PFDN1: variants seen among roughly 807,000 people sequenced by gnomAD.
PFDN1 encodes prefoldin subunit 1, also known as prefoldin 1.
PFDN1 carries 6 observed loss-of-function variants against 17.3 expected under a neutral mutation model. That is an observed-to-expected ratio of 0.35 (90% CI 0.19 to 0.69). The LOEUF (loss-of-function observed/expected upper bound fraction) is 0.69. PFDN1 is among the 30% of genes least tolerant of loss of function. The probability of loss-of-function intolerance (pLI) is 0.65; values close to 1 mark genes in which losing one functional copy is unlikely to be tolerated. For missense variants in PFDN1, 113 were observed against 146.2 expected (o/e 0.77, Z 1.17); for synonymous variants, 58 against 50.1 (o/e 1.16, Z -0.67).
At chr5:140,251,110 A>G (rs1764907029) in intron 3 of PFDN1, among the ~76,000 whole-genome samples, 2 of 151,892 alleles carry the variant, frequency 1.3e-5, no homozygotes, top group South Asian at 2.1e-4. Context: ...TAATTTTTCT[A>G]TCTTTAGTAG....
At chr5:140,273,326 A>G (rs779721063) in intron 3 of PFDN1, among the ~76,000 whole-genome samples, 10 of 152,142 alleles carry the variant, frequency 6.6e-5, no homozygotes, top group Non-Finnish European at 1.3e-4. Context: ...TCACCTCCAA[A>G]TGGGGGCTCC....
chr5:140,297,517 C>A (rs1244732780), intron 2 of PFDN1, among the ~76,000 whole-genome samples: 1 of 152,176 alleles, frequency 6.6e-6, no homozygotes, highest in Non-Finnish European at 1.5e-5. Flanking sequence ...CTCATACTCC[C>A]GGTGAGATGC....
intron 3 of PFDN1, among the ~76,000 whole-genome samples, chr5:140,269,233 G>A (rs758408346): frequency 4.0e-5 from 6 of 151,746 alleles, no homozygotes; most frequent in Non-Finnish European, 8.8e-5. Flanking sequence ...GGCTGGTCTC[G>A]AACTCCAGGG....
intron 3 of PFDN1, among the ~76,000 whole-genome samples, chr5:140,256,380 A>AAAC (rs373938573): frequency 9.2e-5 from 14 of 151,888 alleles, no homozygotes; most frequent in African/African-American, 1.9e-4. Context: ...CCTCCATCTC[A>AAAC]AACAACAACA....
At chr5:140,292,258 T>C (rs1765591683) in intron 2 of PFDN1, among the ~76,000 whole-genome samples, 1 of 152,294 alleles carries the variant, frequency 6.6e-6, no homozygotes, top group South Asian at 2.1e-4. Flanking sequence ...AGTTAAAATA[T>C]AGCAATAGAT....
In PFDN1 at chr5:140,303,088, A is replaced by G. The variant is rs548663962; in HGVS notation, c.-15T>C. On this transcript the variant is annotated 5_prime_UTR_variant, in exon 1 of 4. Transcript: ENST00000261813. ...GGGGCGGCCATCTTGGTGCACTGTA[A>G]GCGCCTGCGCAGTGGGAGTTGGACT... The G allele has an allele frequency of 1.2e-6, 2 of 1,609,606 alleles. No individual in the cohort carries two copies. Among genetic ancestry groups the G allele is most frequent in the Non-Finnish European group, 1.7e-6 (2 of 1,175,872 alleles).
At chr5:140,298,913 G>A (rs1292845794) in intron 2 of PFDN1, among the ~76,000 whole-genome samples, 2 of 151,868 alleles carry the variant, frequency 1.3e-5, no homozygotes, top group East Asian at 3.9e-4. Context: ...ACCATGCCTC[G>A]CTAATTTTTG....
At chr5:140,269,615 C>T (rs1228127591) in intron 3 of PFDN1, among the ~76,000 whole-genome samples, 3 of 152,136 alleles carry the variant, frequency 2.0e-5, no homozygotes, top group Non-Finnish European at 4.4e-5. Context: ...CACCGTGACC[C>T]GCCTTTAACT....
chr5:140,284,268 G>A (rs1372004557), intron 2 of PFDN1, among the ~76,000 whole-genome samples: 3 of 152,146 alleles, frequency 2.0e-5, no homozygotes, highest in Non-Finnish European at 4.4e-5. Context: ...TCTCAGCCAC[G>A]CAAGTTTTAA....
chr5:140,246,856 T>C (rs1460270633), intron 3 of PFDN1, among the ~76,000 whole-genome samples: 1 of 152,202 alleles, frequency 6.6e-6, no homozygotes, highest in Non-Finnish European at 1.5e-5. Context: ...GTGGCTGTAT[T>C]CCCAGTTAAC....
chr5:140,297,376 G>C (rs983469340), intron 2 of PFDN1, among the ~76,000 whole-genome samples: 4 of 152,304 alleles, frequency 2.6e-5, no homozygotes, highest in African/African-American at 9.6e-5. Context: ...CTCAGGTTTA[G>C]CATCAAGAAA....
At chr5:140,247,517 C>T (rs533037733) in intron 3 of PFDN1, among the ~76,000 whole-genome samples, 3 of 152,262 alleles carry the variant, frequency 2.0e-5, no homozygotes, top group South Asian at 2.1e-4. Context: ...TCAGTTCTTC[C>T]GTGAACCTCT....
At chr5:140,271,508 TA>T (rs1218240679) in intron 3 of PFDN1, among the ~76,000 whole-genome samples, 9 of 152,174 alleles carry the variant, frequency 5.9e-5, no homozygotes, top group Non-Finnish European at 1.0e-4. Context: ...AAGACATCCA[TA>T]AGTGTCTAGC....
intron 3 of PFDN1, among the ~76,000 whole-genome samples, chr5:140,261,924 C>T (rs926320237): frequency 2.6e-5 from 4 of 152,088 alleles, no homozygotes; most frequent in African/African-American, 9.7e-5. Flanking sequence ...TGAAATCACT[C>T]TACAGAACAA....
intron 2 of PFDN1, among the ~76,000 whole-genome samples, chr5:140,283,791 G>A (rs1429245727): frequency 1.3e-5 from 2 of 152,172 alleles, no homozygotes. Flanking sequence ...GTTTTGAACA[G>A]TACTAAGTCT....
At chr5:140,291,330 C>T (rs114712194) in intron 2 of PFDN1, among the ~76,000 whole-genome samples, 11 of 152,060 alleles carry the variant, frequency 7.2e-5, no homozygotes, top group African/African-American at 2.7e-4. Flanking sequence ...AAGATAGAGT[C>T]AACAGTATTT....
chr5:140,291,730 G>A (rs1392472365), intron 2 of PFDN1, among the ~76,000 whole-genome samples: 1 of 152,080 alleles, frequency 6.6e-6, no homozygotes, highest in Non-Finnish European at 1.5e-5. Context: ...ATTTACAAAT[G>A]CAAAAGAAAT....
intron 2 of PFDN1, among the ~76,000 whole-genome samples, chr5:140,283,169 A>G (rs1422944226): frequency 2.0e-5 from 3 of 152,224 alleles, no homozygotes; most frequent in Non-Finnish European, 4.4e-5. Context: ...ACACATATTA[A>G]TAAAATCTGA....
At chr5:140,278,581 AAAAAAAC>A (rs1561508692) in intron 3 of PFDN1, among the ~76,000 whole-genome samples, 94 of 127,892 alleles carry the variant, frequency 7.3e-4, no homozygotes, top group Middle Eastern at 8.5e-3. Context: ...AAAAAAAAAA[AAAAAAAC>A]AAAAAACAAA....
Sources: gnomAD v4.1 joint callset for allele counts (sites outside exome capture counted in the v4.1 genomes callset) on GRCh38, gnomAD v4.1.1 for gene constraint, MANE v1.5 for transcripts, NCBI Gene and HGNC (gene_info 2026-07-23, HGNC 2026-07-21) for gene names.